The following XKR6 variants were observed in gnomAD, a reference collection of about 807,000 sequenced individuals.
The protein encoded by XKR6 is XK related 6, also known as XK-related protein 6.
A neutral mutation model predicts 56.7 loss-of-function variants in XKR6; 22 were observed. The ratio of observed to expected loss-of-function variants is 0.39; its 90% CI spans 0.28 to 0.55. The LOEUF (loss-of-function observed/expected upper bound fraction) is 0.55, where lower values mean the gene tolerates loss of function less well. XKR6 is among the 20% of genes least tolerant of loss of function. The pLI, the probability that XKR6 is intolerant of heterozygous loss-of-function variation, is 0.66. For synonymous variants in XKR6, 524 were observed against 387.8 expected (o/e 1.35, Z -4.13); for missense variants, 852 against 889.0 (o/e 0.96, Z 0.53).
chr8:11,102,000 G>A (rs776437229), intron 1 of XKR6, among the ~76,000 whole-genome samples: 6 of 152,158 alleles, frequency 3.9e-5, no homozygotes, highest in Non-Finnish European at 7.3e-5. Context: ...AATGACAGCG[G>A]GAGAAACGAG....
At chr8:11,061,699 T>C (rs1799839235) in intron 1 of XKR6, among the ~76,000 whole-genome samples, 1 of 152,054 alleles carries the variant, frequency 6.6e-6, no homozygotes, top group African/African-American at 2.4e-5. Flanking sequence ...GGAAAGAGAA[T>C]TAAACATCCA....
intron 1 of XKR6, among the ~76,000 whole-genome samples, chr8:11,018,424 G>T (rs1798675359): frequency 6.6e-6 from 1 of 152,176 alleles, no homozygotes; most frequent in Admixed American, 6.5e-5. Context: ...GGGAGCGATG[G>T]CAAGAGAGGG....
chr8:10,970,046 T>C (rs1323806382), intron 1 of XKR6, among the ~76,000 whole-genome samples: 1 of 152,196 alleles, frequency 6.6e-6, no homozygotes, highest in African/African-American at 2.4e-5. Context: ...TCGCCACAGA[T>C]GGGTGGCACT....
intron 1 of XKR6, chr8:11,194,915 T>G (rs1393805696): frequency 1.3e-5 from 7 of 534,914 alleles, no homozygotes; most frequent in Non-Finnish European, 2.0e-5. Context: ...CATCCCCAGT[T>G]GCAATTTCGC....
chr8:10,934,517 A>G (rs1177183131), intron 1 of XKR6, among the ~76,000 whole-genome samples: 3 of 129,042 alleles, frequency 2.3e-5, no homozygotes, highest in African/African-American at 8.4e-5. Context: ...CCCATTCAGT[A>G]TGATATTGGC....
chr8:11,060,362 G>A (rs1235709652), intron 1 of XKR6, among the ~76,000 whole-genome samples: 1 of 152,150 alleles, frequency 6.6e-6, no homozygotes, highest in African/African-American at 2.4e-5. Flanking sequence ...CCCGCATCCA[G>A]CCTGCACTGC....
chr8:10,924,905 T>C (rs35097633), intron 1 of XKR6, 75 bp from the exon 2 acceptor site: 248,458 of 1,476,272 alleles, frequency 0.17, 22,478 homozygotes, highest in Middle Eastern at 0.21. Context: ...GCCATCCCCC[T>C]AAAACCAAGA....
chr8:11,121,625 G>A (rs892122128), intron 1 of XKR6, among the ~76,000 whole-genome samples: 1 of 152,216 alleles, frequency 6.6e-6, no homozygotes, highest in Non-Finnish European at 1.5e-5. Context: ...AAGTCAGTGT[G>A]GCGATTCCTC....
chr8:10,990,380 A>C (rs1192675724), intron 1 of XKR6, among the ~76,000 whole-genome samples: 1 of 152,200 alleles, frequency 6.6e-6, no homozygotes, highest in African/African-American at 2.4e-5. Context: ...GTCCATGGTC[A>C]CAACCCATCG....
At chr8:11,018,342 AC>A (rs1400063267) in intron 1 of XKR6, among the ~76,000 whole-genome samples, 2 of 152,210 alleles carry the variant, frequency 1.3e-5, no homozygotes, top group Admixed American at 6.5e-5. Context: ...AATGCTGTGC[AC>A]AGCTCCTCAC....
chr8:11,146,161 C>G (rs570224395), intron 1 of XKR6, among the ~76,000 whole-genome samples: 56 of 152,116 alleles, frequency 3.7e-4, no homozygotes, highest in African/African-American at 1.3e-3. Flanking sequence ...AAAGCAAAAC[C>G]AGCACTCTGA....
Position 11,007,184 on chromosome 8 carries a change from G to C in XKR6, c.765-82354C>G, listed in dbSNP as rs753886040. Among the ~76,000 whole-genome samples the C allele has an allele frequency of 4.5e-4, 68 of 152,178 alleles. 1 individual carries two copies. The highest frequency in any genetic ancestry group is 1.5e-3 in the African/African-American group (64 of 41,432). On this transcript the variant is annotated intron_variant, in intron 1 of 2. Coordinates refer to ENST00000416569, the MANE Select transcript of XKR6 (RefSeq NM_173683.4). ...AGCCAATGTATGACCATGAGGGATAGGTCAGGAGAGTCATAGAGATAGGAA... is the reference window on the plus strand; with the variant it reads ...AGCCAATGTATGACCATGAGGGATACGTCAGGAGAGTCATAGAGATAGGAA...
chr8:11,039,319 GC>G (rs1231899829), intron 1 of XKR6, among the ~76,000 whole-genome samples: 2 of 152,216 alleles, frequency 1.3e-5, no homozygotes, highest in Non-Finnish European at 2.9e-5. Context: ...GGGGATTGAG[GC>G]CCTGGGAAAG....
chr8:11,010,012 TG>T (rs1174016395), intron 1 of XKR6, among the ~76,000 whole-genome samples: 1 of 152,184 alleles, frequency 6.6e-6, no homozygotes, highest in Non-Finnish European at 1.5e-5. Context: ...TACCTGAGAA[TG>T]GGTAATTTAT....
intron 1 of XKR6, among the ~76,000 whole-genome samples, chr8:10,960,393 T>A (rs1168069249): frequency 6.6e-6 from 1 of 152,214 alleles, no homozygotes; most frequent in East Asian, 1.9e-4. Flanking sequence ...GGCAGATGAC[T>A]GCCCCAGTCT....
At chr8:10,986,301 A>C (rs1172008588) in intron 1 of XKR6, among the ~76,000 whole-genome samples, 4 of 152,250 alleles carry the variant, frequency 2.6e-5, no homozygotes, top group Non-Finnish European at 5.9e-5. Flanking sequence ...AATTATGTAA[A>C]CATAAAATGA....
intron 2 of XKR6, among the ~76,000 whole-genome samples, chr8:10,904,108 A>T (rs1800118577): frequency 6.6e-6 from 1 of 152,126 alleles, no homozygotes; most frequent in African/African-American, 2.4e-5. Flanking sequence ...CATTCCGAAG[A>T]TCAGACTAGA....
intron 1 of XKR6, among the ~76,000 whole-genome samples, chr8:11,130,799 C>T (rs1330191150): frequency 6.6e-6 from 1 of 152,018 alleles, no homozygotes; most frequent in African/African-American, 2.4e-5. Context: ...ACTGGACCCA[C>T]ATATGTGCAC....
At chr8:11,083,024 T>G (rs2129170363) in intron 1 of XKR6, among the ~76,000 whole-genome samples, 1 of 152,330 alleles carries the variant, frequency 6.6e-6, no homozygotes, top group Non-Finnish European at 1.5e-5. Context: ...CGCACAGCAC[T>G]CCGTGTGCTT....
Sources: allele counts gnomAD v4.1 joint callset (sites outside exome capture counted in the v4.1 genomes callset), GRCh38; gene constraint gnomAD v4.1.1; transcripts MANE v1.5; gene names NCBI Gene and HGNC (gene_info 2026-07-23, HGNC 2026-07-21).